The following DCLK2 variants were observed in gnomAD, a reference collection of about 807,000 sequenced individuals.
DCLK2 encodes doublecortin like kinase 2, also known as serine/threonine-protein kinase DCLK2.
In DCLK2, 31 loss-of-function variants were observed where a neutral mutation model predicts 78.4. The observed-to-expected ratio is 0.40, with a 90% CI of 0.30 to 0.53. The LOEUF (loss-of-function observed/expected upper bound fraction) is 0.53. Among genes scored for constraint, DCLK2 ranks in the 20% least tolerant of loss-of-function variants. The pLI is 0.61. For synonymous variants in DCLK2, 407 were observed against 374.9 expected, an observed-to-expected ratio of 1.09 and a Z score of -0.99; for missense variants, 872 against 973.7, an observed-to-expected ratio of 0.90 and a Z score of 1.39.
Position 150,172,529 on chromosome 4 carries a change from C to T in DCLK2, c.757-20609C>T, listed in dbSNP as rs557183153. Reference sequence around the variant, plus strand: ...GGCTGAGGCAGGAGAATGGCGTGAACCCGGGAGGCGGAGCTTGCAGTGAGC... The same window carrying T: ...GGCTGAGGCAGGAGAATGGCGTGAATCCGGGAGGCGGAGCTTGCAGTGAGC... On this transcript the variant is annotated intron_variant, in intron 2 of 15. Coordinates refer to ENST00000296550, the MANE Select transcript of DCLK2 (RefSeq NM_001040260.4). 2.7e-5 allele frequency among the ~76,000 whole-genome samples: 4 copies of T among 149,816 alleles called. 1 individual carries two copies. The East Asian group carries it at 7.9e-4, about 30-fold the overall frequency.
At chr4:150,178,895 G>T (rs984035837) in intron 2 of DCLK2, among the ~76,000 whole-genome samples, 1 of 152,142 alleles carries the variant, frequency 6.6e-6, no homozygotes, top group African/African-American at 2.4e-5. Flanking sequence ...CAACAAATCA[G>T]AAGTTGGTGT....
rs529052697 is a variant in DCLK2, at chr4:150,079,596, G to T, written c.421+148G>T. The T allele has an allele frequency of 1.8e-5, 14 of 771,946 alleles. No homozygotes were observed. The South Asian group carries it at 2.3e-4, about 13-fold the overall frequency. 47.8% of individuals were successfully genotyped at this position (771,946 alleles called of 1,614,324 possible). A position where few individuals can be genotyped will look rare whatever the true frequency, so the allele number is the denominator to read the frequency against. Reference sequence around the variant, plus strand: ...TCTGCTTCTCTAGAGATTGGCTGGGGGTGGGGGCCGGTGGGGTGCCCACAT... The same window carrying T: ...TCTGCTTCTCTAGAGATTGGCTGGGTGTGGGGGCCGGTGGGGTGCCCACAT... On this transcript the variant is annotated intron_variant, in intron 1 of 15. Transcript: ENST00000296550.
chr4:150,168,964 C>A (rs1479563747), intron 2 of DCLK2, among the ~76,000 whole-genome samples: 1 of 152,094 alleles, frequency 6.6e-6, no homozygotes, highest in Non-Finnish European at 1.5e-5. Context: ...TATGAGCAGT[C>A]CATCCTAGGG....
At chr4:150,192,362 C>G (rs976788750) in intron 2 of DCLK2, among the ~76,000 whole-genome samples, 5 of 151,424 alleles carry the variant, frequency 3.3e-5, no homozygotes, top group African/African-American at 1.2e-4. Context: ...CACCTGTAGT[C>G]CCAGCTACTT....
chr4:150,244,529 T>C (rs571011437), intron 12 of DCLK2, among the ~76,000 whole-genome samples: 1 of 152,240 alleles, frequency 6.6e-6, no homozygotes, highest in East Asian at 1.9e-4. Flanking sequence ...CACAAACTCT[T>C]TTGTTGTTTT....
intron 2 of DCLK2, among the ~76,000 whole-genome samples, chr4:150,138,979 TGA>T (rs1733912544): frequency 7.0e-6 from 1 of 143,784 alleles, no homozygotes; most frequent in African/African-American, 2.7e-5. Context: ...TTCAAATTTT[TGA>T]GTTTTTAAAT....
At chr4:150,103,789 A>G (rs1384238647) in intron 2 of DCLK2, among the ~76,000 whole-genome samples, 2 of 152,152 alleles carry the variant, frequency 1.3e-5, no homozygotes, top group Admixed American at 1.3e-4. Context: ...AACATTAGCA[A>G]TTTTTTAAAA....
chr4:150,205,676 T>C (rs1739791381), intron 5 of DCLK2, among the ~76,000 whole-genome samples: 1 of 152,234 alleles, frequency 6.6e-6, no homozygotes, highest in Admixed American at 6.5e-5. Context: ...CTGGAACAGA[T>C]TGGAAGTACA....
intron 2 of DCLK2, among the ~76,000 whole-genome samples, chr4:150,171,736 G>C (rs1736546009): frequency 6.6e-6 from 1 of 152,130 alleles, no homozygotes; most frequent in African/African-American, 2.4e-5. Flanking sequence ...CCAAACATTG[G>C]CTACCGCATA....
At chr4:150,086,695 A>C (rs188520276) in intron 1 of DCLK2, among the ~76,000 whole-genome samples, 1 of 151,912 alleles carries the variant, frequency 6.6e-6, no homozygotes, top group African/African-American at 2.4e-5. Context: ...TTTAGTAGAG[A>C]TGGGTTTTCA....
At chr4:150,173,210 G>A (rs769303476) in intron 2 of DCLK2, among the ~76,000 whole-genome samples, 1 of 152,134 alleles carries the variant, frequency 6.6e-6, no homozygotes, top group Non-Finnish European at 1.5e-5. Flanking sequence ...TCTGGGCTAT[G>A]GTGTGCAGCA....
At chr4:150,230,674 T>C (rs1226518342) in intron 8 of DCLK2, among the ~76,000 whole-genome samples, 1 of 152,190 alleles carries the variant, frequency 6.6e-6, no homozygotes, top group East Asian at 1.9e-4. Context: ...CTTCAAAATA[T>C]GTGAATCAAT....
chr4:150,238,872 C>A (rs951915312), intron 10 of DCLK2, among the ~76,000 whole-genome samples: 1 of 152,142 alleles, frequency 6.6e-6, no homozygotes, highest in Non-Finnish European at 1.5e-5. Context: ...CATTTTCTTT[C>A]TAAACTTCCA....
intron 2 of DCLK2, among the ~76,000 whole-genome samples, chr4:150,192,218 C>T (rs1738505752): frequency 6.6e-6 from 1 of 152,046 alleles, no homozygotes; most frequent in South Asian, 2.1e-4. Flanking sequence ...TGGTGACTCA[C>T]ACCTGTAATC....
intron 15 of DCLK2, chr4:150,253,281 A>G (rs758643945): frequency 3.4e-6 from 2 of 595,086 alleles, no homozygotes; most frequent in South Asian, 2.8e-5. Flanking sequence ...GATAGTGGAA[A>G]TAGTGTCAAC....
chr4:150,104,394 T>TAAAAA lies in DCLK2; in HGVS notation c.756+1607_756+1611dup, dbSNP rs34276664. On this transcript the variant is annotated intron_variant, in intron 2 of 15. Coordinates refer to ENST00000296550, the MANE Select transcript of DCLK2 (RefSeq NM_001040260.4). ...TGGTGACAAAAAAGACCACATCTCC[T>TAAAAA]AAAAAAAAAAAAAAAAAAAAAAAAA... Among the ~76,000 whole-genome samples, 6 of 29,754 alleles carry TAAAAA rather than the reference T, an allele frequency of 2.0e-4. 1 individual carries two copies. Among genetic ancestry groups the TAAAAA allele is most frequent in the African/African-American group, 3.3e-4 (2 of 6,042 alleles). 19.5% of individuals were successfully genotyped at this position (29,754 alleles called of 152,430 possible).
intron 2 of DCLK2, among the ~76,000 whole-genome samples, chr4:150,140,040 C>A (rs1284161491): frequency 6.6e-6 from 1 of 151,936 alleles, no homozygotes; most frequent in East Asian, 1.9e-4. Context: ...GTCTGTGTTT[C>A]AAAATGACAT....
Position 150,102,689 on chromosome 4 carries a change from C to A in DCLK2, c.633C>A (p.Ala211=), listed in dbSNP as rs751865034. ...VIRSGVKPRK[A]VRILLNKKTA... ...GAAGTGGAGTGAAGCCTAGAAAAGC[C>A]GTGCGGATCCTTCTGAATAAAAAGA... Residue 211 remains alanine, a synonymous_variant, in exon 2 of 16, where the codon GCC becomes GCA. Coordinates refer to ENST00000296550, the MANE Select transcript of DCLK2 (RefSeq NM_001040260.4). The A allele has an allele frequency of 1.2e-6, 2 of 1,614,074 alleles. No homozygotes were observed. Among genetic ancestry groups the A allele is most frequent in the East Asian group, 4.5e-5 (2 of 44,870 alleles).
At chr4:150,141,793 A>G (rs1230036127) in intron 2 of DCLK2, among the ~76,000 whole-genome samples, 5 of 152,206 alleles carry the variant, frequency 3.3e-5, no homozygotes, top group African/African-American at 9.7e-5. Flanking sequence ...TGCCTTTGAA[A>G]TATGTTTTTG....
Sources: gnomAD v4.1 joint callset for allele counts (sites outside exome capture counted in the v4.1 genomes callset) on GRCh38, gnomAD v4.1.1 for gene constraint, MANE v1.5 for transcripts, NCBI Gene and HGNC (gene_info 2026-07-23, HGNC 2026-07-21) for gene names.